The following CEP350 variants were observed in gnomAD, a reference collection of about 807,000 sequenced individuals.
CEP350 encodes centrosome-associated protein 350.
In CEP350, 126 loss-of-function variants were observed where a neutral mutation model predicts 331.8. The observed-to-expected ratio is 0.38, with a 90% confidence interval of 0.33 to 0.44. CEP350 has a LOEUF of 0.44. Among genes scored for constraint, CEP350 ranks in the 20% least tolerant of loss-of-function variants. CEP350 has a pLI of 1.00. For missense variants in CEP350, 3,406 were observed against 3,634.6 expected (o/e 0.94, Z 1.62); for synonymous variants, 1,200 against 1,259.5 (o/e 0.95, Z 1.00).
chr1:179,969,141 CAG>C, intron 1 of CEP350: 1 of 645,624 alleles, frequency 1.5e-6, no homozygotes, highest in Non-Finnish European at 2.9e-6. Context: ...GAAGCTCACT[CAG>C]TGGGTTTGAT....
chr1:180,034,473 C>CTT lies in CEP350; in HGVS notation c.3946+403_3946+404dup, dbSNP rs11451813. On this transcript the variant is annotated intron_variant, in intron 16 of 37. Transcript: ENST00000367607. The stretch of plus-strand genomic sequence containing the variant: ...CACAGATACTGCGGGGTTTTTTTGT[C>CTT]TTTTTTTTTTTTTCTTTACAAATTA... 4.3e-3 allele frequency among the ~76,000 whole-genome samples: 618 copies of CTT among 145,276 alleles called. 1 individual carries two copies. Among genetic ancestry groups the CTT allele is most frequent in the African/African-American group, 0.012 (468 of 39,730 alleles).
intron 27 of CEP350, among the ~76,000 whole-genome samples, chr1:180,070,992 A>C (rs1658844168): frequency 6.6e-6 from 1 of 151,242 alleles, no homozygotes; most frequent in Non-Finnish European, 1.5e-5. Context: ...TACTAAAAAT[A>C]CAAAAATTAG....
chr1:180,090,463 G>A (rs1050908165), intron 32 of CEP350, among the ~76,000 whole-genome samples: 8 of 148,446 alleles, frequency 5.4e-5, no homozygotes, highest in Admixed American at 2.0e-4. Flanking sequence ...GGAGAATGGC[G>A]TGAACCCGGG....
At chr1:180,027,413 C>T (rs1040584539) in intron 14 of CEP350, among the ~76,000 whole-genome samples, 1 of 152,096 alleles carries the variant, frequency 6.6e-6, no homozygotes, top group Non-Finnish European at 1.5e-5. Context: ...GGGTCTCACT[C>T]TATCACCCAG....
intron 32 of CEP350, among the ~76,000 whole-genome samples, chr1:180,089,646 T>C (rs1043127529): frequency 6.6e-6 from 1 of 151,986 alleles, no homozygotes; most frequent in African/African-American, 2.4e-5. Flanking sequence ...AAGTCTAAGA[T>C]GACTCCCGGG....
chr1:180,104,588 T>G (rs933685404), intron 37 of CEP350, among the ~76,000 whole-genome samples: 1 of 152,242 alleles, frequency 6.6e-6, no homozygotes, highest in East Asian at 1.9e-4. Context: ...AAGTGTCCAG[T>G]CTTGTCTTTA....
At chr1:180,013,376 G>A (rs761897772) in intron 9 of CEP350, among the ~76,000 whole-genome samples, 31 of 152,028 alleles carry the variant, frequency 2.0e-4, no homozygotes, top group Non-Finnish European at 3.7e-4. Context: ...TATGCAGTCT[G>A]GTCTTTGCAA....
intron 31 of CEP350, among the ~76,000 whole-genome samples, chr1:180,086,316 A>C (rs1023047657): frequency 3.9e-5 from 6 of 152,164 alleles, no homozygotes; most frequent in Admixed American, 1.3e-4. Context: ...ATTTCATCTT[A>C]TACGTCAACT....
At chr1:179,991,771 C>T (rs1379356295) in intron 4 of CEP350, among the ~76,000 whole-genome samples, 1 of 147,664 alleles carries the variant, frequency 6.8e-6, no homozygotes, top group African/African-American at 2.5e-5. Flanking sequence ...TATGATACTT[C>T]TCTCTTAAGT....
rs369945924 is a variant in CEP350 at position 180,019,971 on chromosome 1, T to C, written c.2197T>C (p.Trp733Arg). Reference sequence around the variant, plus strand: ...CAGAAAAGACTTGATGGAATCTACATGGATGCAGCCTGAAAGATTGAGCCC... The same window carrying C: ...CAGAAAAGACTTGATGGAATCTACACGGATGCAGCCTGAAAGATTGAGCCC... ...LARKDLMEST[W>R]MQPERLSPQV... The change falls in exon 12 of 38, where the codon TGG (tryptophan) becomes CGG (arginine). Residue 733 changes from tryptophan to arginine, a missense_variant. Coordinates refer to ENST00000367607, the MANE Select transcript of CEP350 (RefSeq NM_014810.5). 6.2e-7 allele frequency: 1 copy of C among 1,606,732 alleles called. No homozygotes were observed. Among genetic ancestry groups the C allele is most frequent in the African/African-American group, 1.3e-5 (1 of 74,498 alleles).
intron 36 of CEP350, 30 bp from the exon 37 acceptor site, chr1:180,098,833 G>T (rs778180533): frequency 2.5e-6 from 4 of 1,595,956 alleles, no homozygotes; most frequent in Non-Finnish European, 2.6e-6. Flanking sequence ...TCTGTTGTTT[G>T]TGTTTCGTGT....
chr1:179,992,052 T>C lies in CEP350; in HGVS notation c.236-10T>C. ...TATTATATGTTCTCACAGATTTCCT[T>C]TTCCTTCAGATGGTAGATACCTGGA... On this transcript the variant is annotated splice_polypyrimidine_tract_variant and intron_variant, in intron 4 of 37. Coordinates refer to ENST00000367607, the MANE Select transcript of CEP350 (RefSeq NM_014810.5). 2 of 1,517,904 alleles carry C rather than the reference T, an allele frequency of 1.3e-6. No homozygotes were observed. Among genetic ancestry groups the C allele is most frequent in the Non-Finnish European group, 1.8e-6 (2 of 1,139,676 alleles). The allele number at this position is 1,517,904 out of a possible 1,614,324, so 94.0% of individuals were successfully genotyped here.
Position 180,004,902 on chromosome 1 carries a change from G to GCTTTCTTTCTTTCTTT in CEP350, c.1133-1549_1133-1548insTCTTTCTTTCTTTCTT, listed in dbSNP as rs1355344694. Reference sequence around the variant, plus strand: ...TGCTTGCTTGCTTGCTTGCTTGCTTGCTTGCTTTCTTTCTTTCTTTCTTTC... The same window carrying GCTTTCTTTCTTTCTTT: ...TGCTTGCTTGCTTGCTTGCTTGCTTGCTTTCTTTCTTTCTTTCTTGCTTTCTTTCTTTCTTTCTTTC... On this transcript the variant is annotated intron_variant, in intron 7 of 37. Coordinates refer to ENST00000367607, the MANE Select transcript of CEP350 (RefSeq NM_014810.5). Among the ~76,000 whole-genome samples the GCTTTCTTTCTTTCTTT allele has an allele frequency of 3.0e-3, 378 of 125,330 alleles. 4 individuals carry two copies. The highest frequency in any genetic ancestry group is 6.7e-3 in the African/African-American group (193 of 28,680). 82.2% of individuals were successfully genotyped at this position (125,330 alleles called of 152,430 possible).
intron 15 of CEP350, among the ~76,000 whole-genome samples, chr1:180,032,117 G>A (rs1035909797): frequency 2.0e-5 from 3 of 151,904 alleles, no homozygotes; most frequent in East Asian, 1.9e-4. Flanking sequence ...TATTGTATAC[G>A]ATGCACTTAG....
At chr1:179,988,315 T>C (rs555501749) in intron 3 of CEP350, among the ~76,000 whole-genome samples, 9 of 149,624 alleles carry the variant, frequency 6.0e-5, no homozygotes, top group African/African-American at 2.0e-4. Context: ...AAAAAAAAAA[T>C]TTAAAACAGA....
intron 12 of CEP350, 27 bp downstream of exon 12, chr1:180,021,036 T>A (rs1571878649): frequency 1.4e-6 from 2 of 1,440,814 alleles, no homozygotes; most frequent in South Asian, 1.6e-5. Flanking sequence ...TAGCTTGTAC[T>A]GTTTGTATAT....
At chr1:180,008,951 A>G (rs752672198) in intron 8 of CEP350, among the ~76,000 whole-genome samples, 5 of 152,196 alleles carry the variant, frequency 3.3e-5, no homozygotes, top group Admixed American at 6.5e-5. Context: ...GACACTTGCT[A>G]TATACAGATA....
intron 29 of CEP350, among the ~76,000 whole-genome samples, chr1:180,079,758 C>G (rs1399178843): frequency 1.3e-5 from 2 of 151,960 alleles, no homozygotes; most frequent in African/African-American, 4.8e-5. Flanking sequence ...TTCTACCTAG[C>G]ATCATTATTG....
chr1:179,965,620 T>TG lies in CEP350; in HGVS notation c.-14+10478_-14+10479insG, dbSNP rs1423591138. ...ATCTTTTTTCTTTTTCTTTTCTTTTTTTTTTTTTTTTTTTTTTGAGATAGA... is the reference window on the plus strand; with the variant it reads ...ATCTTTTTTCTTTTTCTTTTCTTTTTGTTTTTTTTTTTTTTTTTGAGATAGA... On this transcript the variant is annotated intron_variant, in intron 1 of 37. Coordinates refer to ENST00000367607, the MANE Select transcript of CEP350 (RefSeq NM_014810.5). Among the ~76,000 whole-genome samples, 40 of 137,660 alleles carry TG rather than the reference T, an allele frequency of 2.9e-4. 1 individual carries two copies. The highest frequency in any genetic ancestry group is 4.5e-4 in the Non-Finnish European group (28 of 62,582). The allele number at this position is 137,660 out of a possible 152,430, so 90.3% of individuals were successfully genotyped here.
Sources: allele counts gnomAD v4.1 joint callset (sites outside exome capture counted in the v4.1 genomes callset), GRCh38; gene constraint gnomAD v4.1.1; transcripts MANE v1.5; gene names NCBI Gene and HGNC (gene_info 2026-07-23, HGNC 2026-07-21).